The following PCDHGA7 variants were observed in gnomAD, a reference collection of about 807,000 sequenced individuals.
PCDHGA7 encodes the protein protocadherin gamma-A7.
A neutral mutation model predicts 58.3 loss-of-function variants in PCDHGA7; 44 were observed. The ratio of observed to expected loss-of-function variants is 0.75; its 90% CI spans 0.59 to 0.97. The LOEUF is 0.97. Among genes scored for constraint, PCDHGA7 ranks in the 50% least tolerant of loss-of-function variants. PCDHGA7 has a pLI of 0.00. For missense variants in PCDHGA7, 1,266 were observed against 1,188.7 expected, an observed-to-expected ratio of 1.06 and a Z score of -0.96; for synonymous variants, 516 against 504.2, an observed-to-expected ratio of 1.02 and a Z score of -0.31.
rs967436443 is a variant in PCDHGA7 at position 141,400,001 on chromosome 5, C to G, written c.2424+14678C>G. On this transcript the variant is annotated intron_variant, in intron 1 of 3. Transcript: ENST00000518325. ...CTGCGCACAGGAGAGGTGCGCACAG[C>G]GCGTGCCTTGGGCGACAGGGACGCG... 5.0e-6 allele frequency: 8 copies of G among 1,612,262 alleles called. No individual in the cohort carries two copies. In the Admixed American group the frequency reaches 5.0e-5, roughly 10 times the overall value.
intron 2 of PCDHGA7, among the ~76,000 whole-genome samples, chr5:141,500,001 A>G (rs961582279): frequency 6.6e-5 from 10 of 151,914 alleles, no homozygotes; most frequent in African/African-American, 2.4e-4. Context: ...TGATTCTTTC[A>G]TAAGGTCCAC....
chr5:141,454,998 G>C (rs909142112), intron 1 of PCDHGA7, among the ~76,000 whole-genome samples: 27 of 151,220 alleles, frequency 1.8e-4, no homozygotes, highest in African/African-American at 5.8e-4. Context: ...ATTTTTAGTA[G>C]AGACGGGGTT....
intron 1 of PCDHGA7, among the ~76,000 whole-genome samples, chr5:141,436,477 G>A (rs748354852): frequency 1.3e-5 from 2 of 152,168 alleles, no homozygotes; most frequent in Non-Finnish European, 2.9e-5. Context: ...ATGTATCATA[G>A]AAGGATAGCA....
intron 1 of PCDHGA7, among the ~76,000 whole-genome samples, chr5:141,488,541 T>C (rs2099676694): frequency 6.6e-6 from 1 of 152,184 alleles, no homozygotes; most frequent in South Asian, 2.1e-4. Flanking sequence ...CTAAGTCCCA[T>C]GTCAGCTGAC....
At chr5:141,428,613 CAAGAT>C (rs1385471747) in intron 1 of PCDHGA7, 1 of 212,608 alleles carries the variant, frequency 4.7e-6, no homozygotes, top group African/African-American at 2.3e-5. Flanking sequence ...AAGAGAATAA[CAAGAT>C]AAGCTCTAAC....
chr5:141,453,116 GT>G (rs2098756689), intron 1 of PCDHGA7, among the ~76,000 whole-genome samples: 1 of 151,698 alleles, frequency 6.6e-6, no homozygotes, highest in Admixed American at 6.6e-5. Context: ...GTTTTGTTTT[GT>G]TTTGTTTTGT....
chr5:141,403,405 T>A, intron 1 of PCDHGA7: 4 of 1,614,060 alleles, frequency 2.5e-6, no homozygotes, highest in Non-Finnish European at 3.4e-6. Flanking sequence ...CTGGAGCACG[T>A]TATCCACTTC....
chr5:141,432,343 G>C lies in PCDHGA7; in HGVS notation c.2424+47020G>C, dbSNP rs1174646711. 3 of 1,614,130 alleles carry C rather than the reference G, an allele frequency of 1.9e-6. No homozygotes were observed. On this transcript the variant is annotated intron_variant, in intron 1 of 3. Coordinates refer to ENST00000518325, the MANE Select transcript of PCDHGA7 (RefSeq NM_018920.4). This position sits in a 1 kb window ranked among gnomAD's most constrained non-coding sequence, Gnocchi z 6.0. ...TCGACTACGAGCAGTTCCGAGACTTGCAAGTGAAAGTGATGGCGCGGGACA... is the reference window on the plus strand; with the variant it reads ...TCGACTACGAGCAGTTCCGAGACTTCCAAGTGAAAGTGATGGCGCGGGACA...
At chr5:141,501,290 TACACACACACACACACACACACACAC>T (rs55762287) in intron 2 of PCDHGA7, among the ~76,000 whole-genome samples, 1 of 136,164 alleles carries the variant, frequency 7.3e-6, no homozygotes, top group Non-Finnish European at 1.6e-5. Flanking sequence ...TATTCCCTTA[TACACACACACACACACACACACACAC>T]ACACACACAC....
chr5:141,460,909 G>GGT (rs548378036), intron 1 of PCDHGA7, among the ~76,000 whole-genome samples: 1,853 of 123,260 alleles, frequency 0.015, 18 homozygotes, highest in Non-Finnish European at 0.019. Context: ...AATATTCCAT[G>GGT]GTGTATATAT....
At position 141,430,919 on chromosome 5, in the gene PCDHGA7, C is replaced by A. The variant is rs377613499; in HGVS notation, c.2424+45596C>A. The A allele has an allele frequency of 6.2e-7, 1 of 1,607,492 alleles. No homozygotes were observed. Among genetic ancestry groups the A allele is most frequent in the Admixed American group, 1.7e-5 (1 of 58,806 alleles). The stretch of plus-strand genomic sequence containing the variant: ...GGGCGACATCTCCAGGGACCTGGGG[C>A]TGGAGCCCCGGGAGCTCGCGGAGCG... On this transcript the variant is annotated intron_variant, in intron 1 of 3. Transcript: ENST00000518325.
At chr5:141,406,827 A>G (rs2094856328) in intron 1 of PCDHGA7, among the ~76,000 whole-genome samples, 1 of 152,242 alleles carries the variant, frequency 6.6e-6, no homozygotes, top group South Asian at 2.1e-4. Context: ...CTAGAAATGA[A>G]CTTGCATATC....
chr5:141,421,102 T>A (rs1420706532), intron 1 of PCDHGA7: 2 of 691,286 alleles, frequency 2.9e-6, no homozygotes, highest in Admixed American at 6.2e-5. Context: ...CACTGGAGAC[T>A]TAGAAGTATT....
At chr5:141,423,772 A>G (rs767998260) in intron 1 of PCDHGA7, 39 of 1,219,850 alleles carry the variant, frequency 3.2e-5, no homozygotes, top group East Asian at 1.6e-4. Context: ...GGGGCGGCAT[A>G]TATTTAGTTC....
At chr5:141,403,491 T>A in intron 1 of PCDHGA7, 1 of 1,614,010 alleles carries the variant, frequency 6.2e-7, no homozygotes, top group South Asian at 1.1e-5. Context: ...CACTTCTCCC[T>A]GAACGTGCAG....
intron 1 of PCDHGA7, chr5:141,410,823 C>CCAGACTGA (rs2095425464): frequency 2.1e-6 from 1 of 479,988 alleles, no homozygotes; most frequent in African/African-American, 2.5e-5. Flanking sequence ...AATAATGTCA[C>CCAGACTGA]CAGACTGAAG....
intron 1 of PCDHGA7, chr5:141,427,255 G>C (rs1369151995): frequency 2.2e-6 from 1 of 456,746 alleles, no homozygotes; most frequent in Non-Finnish European, 4.4e-6. Flanking sequence ...GATGGTGGAG[G>C]CATGACCAGC....
At chr5:141,453,544 C>T (rs540372287) in intron 1 of PCDHGA7, among the ~76,000 whole-genome samples, 12 of 152,310 alleles carry the variant, frequency 7.9e-5, no homozygotes, top group African/African-American at 2.9e-4. Flanking sequence ...ATTCACACCA[C>T]ACTCTGTAGA....
intron 1 of PCDHGA7, chr5:141,410,075 GAGGTGCGCAC>G: frequency 6.2e-7 from 1 of 1,612,898 alleles, no homozygotes; most frequent in East Asian, 2.2e-5. Context: ...GCGCACTGGG[GAGGTGCGCAC>G]GGCTCGAGCC....
Sources: allele counts gnomAD v4.1 joint callset (sites outside exome capture counted in the v4.1 genomes callset), GRCh38; gene constraint gnomAD v4.1.1; non-coding constraint Gnocchi (gnomAD v3.1); transcripts MANE v1.5; gene names NCBI Gene and HGNC (gene_info 2026-07-23, HGNC 2026-07-21).